Variants in FYN observed in about 807,000 individuals in gnomAD.
The protein encoded by FYN is FYN proto-oncogene, Src family tyrosine kinase, also known as tyrosine-protein kinase Fyn.
Under a neutral mutation model 70.2 loss-of-function variants are expected in FYN, and 10 were observed. The ratio of observed to expected loss-of-function variants is 0.14; its 90% CI spans 0.09 to 0.24. The LOEUF (loss-of-function observed/expected upper bound fraction) is 0.24, where lower values mean the gene tolerates loss of function less well. Ranked by LOEUF, FYN falls within the 10% of genes least tolerant of loss-of-function variation. The pLI is 1.00. For missense variants in FYN, 319 were observed against 673.1 expected, an observed-to-expected ratio of 0.47 and a Z score of 5.82; for synonymous variants, 236 against 248.6, an observed-to-expected ratio of 0.95 and a Z score of 0.48.
At chr6:111,672,039 A>G (rs1300040355) in intron 13 of FYN, among the ~76,000 whole-genome samples, 3 of 152,108 alleles carry the variant, frequency 2.0e-5, no homozygotes, top group Non-Finnish European at 2.9e-5. Context: ...GACACCCCCA[A>G]TGAGGACACG....
chr6:111,673,622 G>GTTTTTTTTTTTTTTTTTTTTTTTT lies in FYN; in HGVS notation c.1405+876_1405+877insAAAAAAAAAAAAAAAAAAAAAAAA, dbSNP rs71021858. Reference sequence around the variant, plus strand: ...AATCGTCACTATCGTTTCTATCATTGTTTTTTTTTTTTTTTTTTTCTTTAA... The same window carrying GTTTTTTTTTTTTTTTTTTTTTTTT: ...AATCGTCACTATCGTTTCTATCATTGTTTTTTTTTTTTTTTTTTTTTTTTTTTTTTTTTTTTTTTTTTTCTTTAA... On this transcript the variant is annotated intron_variant, in intron 13 of 13. Transcript: ENST00000354650. Among the ~76,000 whole-genome samples the GTTTTTTTTTTTTTTTTTTTTTTTT allele has an allele frequency of 2.2e-4, 26 of 116,588 alleles. 1 individual carries two copies. The highest frequency in any genetic ancestry group is 3.6e-4 in the Non-Finnish European group (21 of 58,480). The allele number at this position is 116,588 out of a possible 152,430, so 76.5% of individuals were successfully genotyped here. A position where few individuals can be genotyped will look rare whatever the true frequency, so the allele number is the denominator to read the frequency against.
At chr6:111,761,685 G>A (rs548178435) in intron 3 of FYN, among the ~76,000 whole-genome samples, 5 of 152,230 alleles carry the variant, frequency 3.3e-5, no homozygotes, top group South Asian at 2.1e-4. Context: ...CTTCCGGGGC[G>A]ACAACCACTT....
At chr6:111,831,412 A>G (rs1409073934) in intron 2 of FYN, among the ~76,000 whole-genome samples, 1 of 152,224 alleles carries the variant, frequency 6.6e-6, no homozygotes, top group African/African-American at 2.4e-5. Context: ...TGTTAAAAGC[A>G]TATTTTAAAA....
chr6:111,742,704 A>G (rs1802031470), intron 3 of FYN, among the ~76,000 whole-genome samples: 2 of 152,234 alleles, frequency 1.3e-5, no homozygotes, highest in South Asian at 4.1e-4. Context: ...TTAAATTCAA[A>G]GGCTAAAAGC....
chr6:111,691,185 C>T (rs1176991616), intron 12 of FYN, among the ~76,000 whole-genome samples: 4 of 152,162 alleles, frequency 2.6e-5, no homozygotes, highest in Non-Finnish European at 5.9e-5. Context: ...GGCTGCTGCT[C>T]AGTCCTGGGT....
At chr6:111,673,169 C>G (rs1365016234) in intron 13 of FYN, among the ~76,000 whole-genome samples, 1 of 151,974 alleles carries the variant, frequency 6.6e-6, no homozygotes, top group Non-Finnish European at 1.5e-5. Context: ...CCGCACATTT[C>G]CCCCCTTGAG....
intron 3 of FYN, among the ~76,000 whole-genome samples, chr6:111,740,800 C>T (rs918707114): frequency 4.6e-4 from 70 of 152,226 alleles, no homozygotes; most frequent in Admixed American, 3.2e-3. Flanking sequence ...CCCCAAAATA[C>T]TCACACAGCT....
chr6:111,804,560 C>T (rs1399189398), intron 2 of FYN, among the ~76,000 whole-genome samples: 1 of 152,222 alleles, frequency 6.6e-6, no homozygotes, highest in African/African-American at 2.4e-5. Flanking sequence ...AACAAACACA[C>T]CATGCCCTAA....
intron 2 of FYN, among the ~76,000 whole-genome samples, chr6:111,808,298 G>T (rs1772215698): frequency 6.6e-6 from 1 of 152,166 alleles, no homozygotes; most frequent in African/African-American, 2.4e-5. Context: ...GCCAAGAAGT[G>T]AGCAGGGCAC....
At chr6:111,730,092 G>GA in intron 3 of FYN, among the ~76,000 whole-genome samples, 1 of 152,200 alleles carries the variant, frequency 6.6e-6, no homozygotes, top group Non-Finnish European at 1.5e-5. Flanking sequence ...ACTCCTTCTA[G>GA]AAGGTGTGAA....
At chr6:111,795,827 A>G (rs2128516909) in intron 2 of FYN, among the ~76,000 whole-genome samples, 1 of 152,362 alleles carries the variant, frequency 6.6e-6, no homozygotes, top group South Asian at 2.1e-4. Flanking sequence ...GAGGTGGCAG[A>G]GCCAGATCTG....
chr6:111,830,425 A>C (rs1457237904), intron 2 of FYN, among the ~76,000 whole-genome samples: 1 of 152,178 alleles, frequency 6.6e-6, no homozygotes, highest in Non-Finnish European at 1.5e-5. Flanking sequence ...GTGGCCAAGG[A>C]GGTGAGAGCA....
In FYN at chr6:111,704,086, G is replaced by T; in HGVS notation, c.460C>A (p.Leu154Ile). 6.2e-7 allele frequency: 1 copy of T among 1,613,926 alleles called. No homozygotes were observed. The highest frequency in any genetic ancestry group is 8.5e-7 in the Non-Finnish European group (1 of 1,179,838). Residue 154 changes from leucine to isoleucine, a missense_variant, in exon 7 of 14, where the codon CTT becomes ATT. Physicochemically the swap from Leu to Ile is conservative, Grantham distance 5. Transcript: ENST00000354650. ...TGTCGCTCAGCATCTTTTCGGCCAA[G>T]TTTTCCAAAGTACCACCTTTAAATT... is the stretch of plus-strand genomic sequence containing the variant. Reference protein sequence around the residue: ...IQAEEWYFGKLGRKDAERQLL... With the variant: ...IQAEEWYFGKIGRKDAERQLL...
At chr6:111,812,745 A>G (rs1405994770) in intron 2 of FYN, among the ~76,000 whole-genome samples, 1 of 150,814 alleles carries the variant, frequency 6.6e-6, no homozygotes, top group Non-Finnish European at 1.5e-5. Flanking sequence ...GTTAATCTTG[A>G]GTTAGTCACA....
Position 111,776,087 on chromosome 6 carries a change from A to G in FYN, c.-12+4479T>C, listed in dbSNP as rs894069773. 5.3e-5 allele frequency among the ~76,000 whole-genome samples: 8 copies of G among 152,244 alleles called. 1 individual carries two copies. The highest frequency in any genetic ancestry group is 1.9e-4 in the African/African-American group (8 of 41,462). On this transcript the variant is annotated intron_variant, in intron 3 of 13. Transcript: ENST00000354650. ...GCTAATTTTATTTTGCAGACCAGACAGCAAGTTCTGACCTCTCCTTGAAGG... is the reference window on the plus strand; with the variant it reads ...GCTAATTTTATTTTGCAGACCAGACGGCAAGTTCTGACCTCTCCTTGAAGG...
At chr6:111,726,101 G>A (rs1413404980) in intron 3 of FYN, among the ~76,000 whole-genome samples, 1 of 152,180 alleles carries the variant, frequency 6.6e-6, no homozygotes, top group East Asian at 1.9e-4. Context: ...GAATGAACCT[G>A]GAAATGGATT....
chr6:111,795,945 AAAT>A (rs1771791056), intron 2 of FYN, among the ~76,000 whole-genome samples: 1 of 152,254 alleles, frequency 6.6e-6, no homozygotes, highest in Non-Finnish European at 1.5e-5. Context: ...AACGATTTAT[AAAT>A]AATAATAGCT....
chr6:111,700,002 T>G, intron 9 of FYN, 102 bp downstream of exon 9: 1 of 1,045,612 alleles, frequency 9.6e-7, no homozygotes, highest in Non-Finnish European at 1.4e-6. Flanking sequence ...TAATTCAAAC[T>G]TTCTTCCCGG....
At chr6:111,718,669 C>T (rs971163263) in intron 4 of FYN, among the ~76,000 whole-genome samples, 2 of 152,154 alleles carry the variant, frequency 1.3e-5, no homozygotes, top group Non-Finnish European at 2.9e-5. Flanking sequence ...TGGCCTTAGA[C>T]TGCCTGTCTG....
Sources: gnomAD v4.1 joint callset for allele counts (sites outside exome capture counted in the v4.1 genomes callset) on GRCh38, gnomAD v4.1.1 for gene constraint, MANE v1.5 for transcripts, NCBI Gene and HGNC (gene_info 2026-07-23, HGNC 2026-07-21) for gene names.